The following SPECC1 variants were observed in gnomAD, a reference collection of about 807,000 sequenced individuals.
SPECC1 encodes the protein cytospin-B.
SPECC1 carries 62 observed loss-of-function variants against 104.1 expected under a neutral mutation model. The observed-to-expected ratio is 0.60, with a 90% CI of 0.49 to 0.74. SPECC1 has a LOEUF of 0.74. Among genes scored for constraint, SPECC1 ranks in the 30% least tolerant of loss-of-function variants. The pLI, the probability that SPECC1 is intolerant of heterozygous loss-of-function variation, is 0.00. For missense variants in SPECC1, 1,306 were observed against 1,310.5 expected (o/e 1.00, Z 0.05); for synonymous variants, 513 against 501.6 (o/e 1.02, Z -0.30).
At chr17:20,060,164 G>C (rs540626708) in intron 1 of SPECC1, among the ~76,000 whole-genome samples, 1 of 152,218 alleles carries the variant, frequency 6.6e-6, no homozygotes, top group Non-Finnish European at 1.5e-5. Flanking sequence ...GAAGAGTGCA[G>C]CTTTCAATGA....
intron 12 of SPECC1, among the ~76,000 whole-genome samples, chr17:20,269,728 T>A (rs1343472598): frequency 6.6e-6 from 1 of 152,232 alleles, no homozygotes; most frequent in African/African-American, 2.4e-5. Context: ...GAATTAAACA[T>A]GTCCGTGACT....
chr17:20,088,750 T>C (rs2047281392), intron 1 of SPECC1, among the ~76,000 whole-genome samples: 1 of 152,132 alleles, frequency 6.6e-6, no homozygotes, highest in African/African-American at 2.4e-5. Context: ...GTGGATGCTA[T>C]TGTCTGAATG....
chr17:20,136,977 G>A (rs2030065650), intron 3 of SPECC1, among the ~76,000 whole-genome samples: 1 of 152,144 alleles, frequency 6.6e-6, no homozygotes, highest in South Asian at 2.1e-4. Context: ...TTGCAAATGG[G>A]CAAAGACCAT....
At chr17:20,038,669 G>A (rs906417685) in intron 1 of SPECC1, among the ~76,000 whole-genome samples, 2 of 151,974 alleles carry the variant, frequency 1.3e-5, no homozygotes, top group African/African-American at 2.4e-5. Context: ...CAAAGTGCTG[G>A]GATCACAGGC....
chr17:20,246,202 C>G (rs765674132), intron 8 of SPECC1, 131 bp downstream of exon 8: 1 of 1,017,942 alleles, frequency 9.8e-7, no homozygotes, highest in Non-Finnish European at 1.4e-6. Context: ...CAGGTCCTAC[C>G]ACGTGCAGCC....
At chr17:20,236,733 C>A in intron 7 of SPECC1, 1 of 1,160,158 alleles carries the variant, frequency 8.6e-7, no homozygotes, top group Non-Finnish European at 1.2e-6. Context: ...AATCTGTTGG[C>A]CTATCCTGGA....
chr17:20,184,181 C>CAAAA (rs759475722), intron 3 of SPECC1, among the ~76,000 whole-genome samples: 1 of 44,200 alleles, frequency 2.3e-5, no homozygotes, highest in Admixed American at 2.3e-4. Flanking sequence ...ACTCCTGTCT[C>CAAAA]AAAAAAAAAA....
chr17:20,100,759 T>C (rs2047908699), intron 2 of SPECC1, among the ~76,000 whole-genome samples: 1 of 152,206 alleles, frequency 6.6e-6, no homozygotes, highest in Admixed American at 6.5e-5. Context: ...CAACCAGTCA[T>C]CTAGATTTTA....
intron 1 of SPECC1, among the ~76,000 whole-genome samples, chr17:20,048,020 C>T (rs2045603936): frequency 6.6e-6 from 1 of 152,130 alleles, no homozygotes; most frequent in African/African-American, 2.4e-5. Flanking sequence ...GTCCTTGACT[C>T]ATCCGTTACC....
chr17:20,099,717 A>C (rs1257696535), intron 2 of SPECC1, among the ~76,000 whole-genome samples: 3 of 149,100 alleles, frequency 2.0e-5, no homozygotes, highest in South Asian at 2.1e-4. Context: ...AAAAAAAAAA[A>C]AAACCCACAA....
At chr17:20,055,028 T>G (rs910426466) in intron 1 of SPECC1, among the ~76,000 whole-genome samples, 10 of 152,240 alleles carry the variant, frequency 6.6e-5, no homozygotes, top group Admixed American at 1.3e-4. Flanking sequence ...ACAGCTGATC[T>G]TGAGAGCTTA....
chr17:20,204,440 T>C lies in SPECC1; in HGVS notation c.391T>C (p.Ser131Pro). The C allele has an allele frequency of 6.2e-7, 1 of 1,613,932 alleles. No homozygotes were observed. Among genetic ancestry groups the C allele is most frequent in the Non-Finnish European group, 8.5e-7 (1 of 1,179,982 alleles). The stretch of plus-strand genomic sequence containing the variant: ...ACGTGGTCCCTCCAACCCCAGGAAA[T>C]CAGTGTCCAGTCCAACTTCTTCCAA... ...VPRGPSNPRK[S>P]VSSPTSSNTP... The change falls in exon 4 of 15, where the codon TCA (serine) becomes CCA (proline). Residue 131 changes from serine (S) to proline (P), a missense_variant. Ser to Pro is a moderately conservative substitution (Grantham distance 74). Coordinates refer to ENST00000395527, the MANE Select transcript of SPECC1 (RefSeq NM_001243439.2).
At chr17:20,260,673 T>G (rs2039994526) in intron 12 of SPECC1, among the ~76,000 whole-genome samples, 1 of 152,208 alleles carries the variant, frequency 6.6e-6, no homozygotes, top group African/African-American at 2.4e-5. Context: ...TATTGGAGCT[T>G]ATGCCCTTAT....
At chr17:20,136,989 T>G (rs891828654) in intron 3 of SPECC1, among the ~76,000 whole-genome samples, 1 of 152,232 alleles carries the variant, frequency 6.6e-6, no homozygotes, top group Non-Finnish European at 1.5e-5. Context: ...AAAGACCATT[T>G]TTGGATGTAT....
intron 1 of SPECC1, among the ~76,000 whole-genome samples, chr17:20,023,953 G>A (rs1415423878): frequency 6.6e-6 from 1 of 152,136 alleles, no homozygotes; most frequent in African/African-American, 2.4e-5. Flanking sequence ...GTAAACTATA[G>A]ACCAAATTTA....
chr17:20,029,468 T>G (rs1461988742), intron 1 of SPECC1, among the ~76,000 whole-genome samples: 1 of 152,120 alleles, frequency 6.6e-6, no homozygotes, highest in Non-Finnish European at 1.5e-5. Flanking sequence ...GATCTGTTCT[T>G]TTTTTTGGAG....
chr17:20,230,607 G>A (rs1407512257), intron 5 of SPECC1, among the ~76,000 whole-genome samples: 1 of 152,300 alleles, frequency 6.6e-6, no homozygotes, highest in Admixed American at 6.5e-5. Flanking sequence ...GAAAACCAGT[G>A]TATAATTAAT....
Position 20,308,703 on chromosome 17 carries a change from T to C in SPECC1, c.3117+2621T>C, listed in dbSNP as rs370009948. Among the ~76,000 whole-genome samples, 16 of 152,322 alleles carry C rather than the reference T, an allele frequency of 1.1e-4. No individual in the cohort carries two copies. The South Asian group carries it at 3.3e-3, about 32-fold the overall frequency. On this transcript the variant is annotated intron_variant, in intron 14 of 14. Coordinates refer to ENST00000395527, the MANE Select transcript of SPECC1 (RefSeq NM_001243439.2). Reference sequence around the variant, plus strand: ...ATCAGCCCAGATTTTGCTAAATCTTTAAGACGCAGATATCCCTATTGTGTA... The same window carrying C: ...ATCAGCCCAGATTTTGCTAAATCTTCAAGACGCAGATATCCCTATTGTGTA...
intron 3 of SPECC1, among the ~76,000 whole-genome samples, chr17:20,152,395 CA>C (rs372210206): frequency 1.8e-3 from 269 of 152,244 alleles, no homozygotes; most frequent in African/African-American, 6.4e-3. Flanking sequence ...GCAGGCAGAC[CA>C]AAGGGGGGTG....
Sources: gnomAD v4.1 joint callset for allele counts (sites outside exome capture counted in the v4.1 genomes callset) on GRCh38, gnomAD v4.1.1 for gene constraint, MANE v1.5 for transcripts, NCBI Gene and HGNC (gene_info 2026-07-23, HGNC 2026-07-21) for gene names.